MAP4K3: variants seen among roughly 807,000 people sequenced by gnomAD.
MAP4K3 encodes MAPK/ERK kinase kinase kinase 3.
Under a neutral mutation model 143.5 loss-of-function variants are expected in MAP4K3, and 94 were observed. The observed-to-expected ratio is 0.65, with a 90% CI of 0.55 to 0.78. MAP4K3 has a LOEUF of 0.78. Among genes scored for constraint, MAP4K3 ranks in the 30% least tolerant of loss-of-function variants. The probability of loss-of-function intolerance (pLI) is 0.00; values close to 1 mark genes in which losing one functional copy is unlikely to be tolerated. For missense variants in MAP4K3, 1,077 were observed against 1,068.1 expected (o/e 1.01, Z -0.12); for synonymous variants, 416 against 347.2 (o/e 1.20, Z -2.20).
chr2:39,309,267 G>A (rs903498532), intron 14 of MAP4K3, among the ~76,000 whole-genome samples, 194 bp downstream of exon 14: 2 of 152,118 alleles, frequency 1.3e-5, no homozygotes, highest in East Asian at 3.9e-4. Context: ...AGGACTACAA[G>A]TACACACTGC....
At chr2:39,337,450 G>T in intron 5 of MAP4K3, 76 bp downstream of exon 5, 1 of 1,010,512 alleles carries the variant, frequency 9.9e-7, no homozygotes, top group Non-Finnish European at 1.5e-6. Flanking sequence ...TTCTTACTTT[G>T]CTGAACAGGT....
At chr2:39,316,103 T>C (rs1333373841) in intron 12 of MAP4K3, among the ~76,000 whole-genome samples, 1 of 152,112 alleles carries the variant, frequency 6.6e-6, no homozygotes, top group Non-Finnish European at 1.5e-5. Context: ...CTCTTGGTTA[T>C]AGATGTGCCA....
At chr2:39,315,274 T>A (rs373738658) in intron 13 of MAP4K3, 36 bp downstream of exon 13, 2 of 1,329,596 alleles carry the variant, frequency 1.5e-6, no homozygotes, top group African/African-American at 3.0e-5. Context: ...TTATTTTCTA[T>A]CATTAAATCA....
At chr2:39,366,942 C>T (rs1264319805) in intron 2 of MAP4K3, among the ~76,000 whole-genome samples, 1 of 152,132 alleles carries the variant, frequency 6.6e-6, no homozygotes, top group African/African-American at 2.4e-5. Flanking sequence ...ATCAATAACA[C>T]AGAAATACAA....
Position 39,324,233 on chromosome 2 carries a change from C to G in MAP4K3, c.918+1285G>C, listed in dbSNP as rs1272537134. Among the ~76,000 whole-genome samples the G allele has an allele frequency of 2.0e-5, 3 of 151,952 alleles. No homozygotes were observed. The South Asian group carries it at 6.2e-4, about 32-fold the overall frequency. On this transcript the variant is annotated intron_variant, in intron 12 of 33. Coordinates refer to ENST00000263881, the MANE Select transcript of MAP4K3 (RefSeq NM_003618.4). ...ACCAACCTGGCCAATGTGGTAAAAC[C>G]CCATCTCTACTAAAAATACAAAAAT...
In MAP4K3 at chr2:39,326,157, T is replaced by C; in HGVS notation, c.651A>G (p.Leu217=). 1 of 1,613,486 alleles carries C rather than the reference T, an allele frequency of 6.2e-7. No individual in the cohort carries two copies. Among genetic ancestry groups the C allele is most frequent in the Non-Finnish European group, 8.5e-7 (1 of 1,179,756 alleles). ...LAELQPPMFD[L]HPMRALFLMT... is the part of the protein sequence containing the mutation. ...GATGATGCACTGACCTCATTGGGTG[T>C]AAGTCAAACATAGGAGGCTGAAGCT... is the stretch of plus-strand genomic sequence containing the variant. Residue 217 remains leucine (L), a synonymous_variant, in exon 9 of 34, where the codon TTA becomes TTG. Coordinates refer to ENST00000263881, the MANE Select transcript of MAP4K3 (RefSeq NM_003618.4).
At chr2:39,428,349 T>A (rs1040064389) in intron 1 of MAP4K3, among the ~76,000 whole-genome samples, 3 of 152,194 alleles carry the variant, frequency 2.0e-5, no homozygotes, top group African/African-American at 7.2e-5. Context: ...ATCTCATATA[T>A]AAAAGTAAAC....
chr2:39,250,814 A>G, intron 33 of MAP4K3, 109 bp from the exon 34 acceptor site: 1 of 791,094 alleles, frequency 1.3e-6, no homozygotes. Context: ...AATGCTGCTC[A>G]TTTGATCGTG....
At chr2:39,419,853 C>T (rs1369994580) in intron 1 of MAP4K3, among the ~76,000 whole-genome samples, 1 of 152,120 alleles carries the variant, frequency 6.6e-6, no homozygotes. Context: ...CTGCTCAATG[C>T]TTTTTGAAGA....
In MAP4K3 at chr2:39,288,277, T is replaced by G; in HGVS notation, c.1318A>C (p.Lys440Gln). 1 of 1,613,226 alleles carries G rather than the reference T, an allele frequency of 6.2e-7. No individual in the cohort carries two copies. The highest frequency in any genetic ancestry group is 1.1e-5 in the South Asian group (1 of 91,026). The change falls in exon 20 of 34, where the codon AAG becomes CAG. Residue 440 changes from lysine (K) to glutamine (Q), a missense_variant. By Grantham distance (53) the Lys-to-Gln change is moderately conservative. Transcript: ENST00000263881. ...ATTTCCTGTGGTATGAAGATAGACT[T>G]AGGCTGAAATAATATAGAAAAAGAG... ...KIPPPLPPKP[K>Q]SIFIPQEMHS... is the part of the protein sequence containing the mutation.
intron 3 of MAP4K3, among the ~76,000 whole-genome samples, chr2:39,354,576 C>T (rs1470572377): frequency 1.3e-5 from 2 of 152,070 alleles, no homozygotes; most frequent in East Asian, 3.9e-4. Flanking sequence ...CGATATCACG[C>T]CACTGCACTC....
intron 2 of MAP4K3, 28 bp downstream of exon 2, chr2:39,378,037 TA>T: frequency 7.6e-7 from 1 of 1,316,038 alleles, no homozygotes; most frequent in Non-Finnish European, 1.1e-6. Context: ...TTTCTAGCAG[TA>T]AGAAAAAATG....
At chr2:39,377,200 C>CATTTTTTTTTTT (rs1666241648) in intron 2 of MAP4K3, among the ~76,000 whole-genome samples, 5 of 29,530 alleles carry the variant, frequency 1.7e-4, no homozygotes, top group Admixed American at 3.7e-4. Flanking sequence ...GGCTATTTGG[C>CATTTTTTTTTTT]CTTTTTTTTT....
chr2:39,326,083 A>C, intron 9 of MAP4K3, 63 bp downstream of exon 9: 1 of 1,571,976 alleles, frequency 6.4e-7, no homozygotes, highest in Non-Finnish European at 8.7e-7. Context: ...TTACTTGTTC[A>C]TGACAGCATA....
intron 22 of MAP4K3, 24 bp from the exon 23 acceptor site, chr2:39,280,380 T>C: frequency 7.2e-7 from 1 of 1,393,560 alleles, no homozygotes; most frequent in Non-Finnish European, 1.0e-6. Flanking sequence ...GAATAACCAA[T>C]ATGAAACAGT....
At chr2:39,394,632 G>C (rs190519894) in intron 1 of MAP4K3, among the ~76,000 whole-genome samples, 34 of 152,266 alleles carry the variant, frequency 2.2e-4, no homozygotes, top group Admixed American at 6.5e-4. Context: ...AGTCAGCCAA[G>C]TATCAAAACA....
intron 18 of MAP4K3, 110 bp downstream of exon 18, chr2:39,292,663 T>G: frequency 6.5e-5 from 55 of 845,172 alleles, no homozygotes; most frequent in East Asian, 1.8e-4. Context: ...ATACAACCCA[T>G]GATATTGTGT....
chr2:39,395,160 C>T (rs961391273), intron 1 of MAP4K3, among the ~76,000 whole-genome samples: 4 of 152,078 alleles, frequency 2.6e-5, no homozygotes, highest in South Asian at 2.1e-4. Context: ...AGAAATAACA[C>T]CAACACATAA....
chr2:39,258,385 T>A lies in MAP4K3; in HGVS notation c.2433A>T (p.Ser811=). Residue 811 remains serine (S), a synonymous_variant, in exon 31 of 34, where the codon TCA becomes TCT. Coordinates refer to ENST00000263881, the MANE Select transcript of MAP4K3 (RefSeq NM_003618.4). ...QGRLKSSRKL[S]SELTFDFQIE... is the part of the protein sequence containing the mutation. ...TCTGGAAATCAAAGGTGAGTTCTGATGACAATTTCCTGCTAGATTTTAATC... is the reference window on the plus strand; with the variant it reads ...TCTGGAAATCAAAGGTGAGTTCTGAAGACAATTTCCTGCTAGATTTTAATC... 1 of 1,610,918 alleles carries A rather than the reference T, an allele frequency of 6.2e-7. No individual in the cohort carries two copies. Among genetic ancestry groups the A allele is most frequent in the Non-Finnish European group, 8.5e-7 (1 of 1,178,630 alleles).
Sources: allele counts gnomAD v4.1 joint callset (sites outside exome capture counted in the v4.1 genomes callset), GRCh38; gene constraint gnomAD v4.1.1; transcripts MANE v1.5; gene names NCBI Gene and HGNC (gene_info 2026-07-23, HGNC 2026-07-21).